Variants in SYNE1 observed in about 807,000 individuals in gnomAD.
The protein encoded by SYNE1 is nesprin-1.
In SYNE1, 616 loss-of-function variants were observed where a neutral mutation model predicts 1,111.0. The observed-to-expected ratio is 0.55, with a 90% CI of 0.52 to 0.59. SYNE1 has a LOEUF of 0.59. SYNE1 is among the 20% of genes least tolerant of loss of function. The pLI, the probability that SYNE1 is intolerant of heterozygous loss-of-function variation, is 0.00. For synonymous variants in SYNE1, 3,855 were observed against 3,825.8 expected, an observed-to-expected ratio of 1.01 and a Z score of -0.28; for missense variants, 10,006 against 10,417.0, an observed-to-expected ratio of 0.96 and a Z score of 1.72.
intron 3 of SYNE1, among the ~76,000 whole-genome samples, chr6:152,551,596 G>A (rs2099347158): frequency 6.6e-6 from 1 of 152,052 alleles, no homozygotes; most frequent in Admixed American, 6.6e-5. Context: ...GCAAAGAAAA[G>A]TTCAGAACAG....
chr6:152,343,470 CT>C (rs561650440), intron 74 of SYNE1, among the ~76,000 whole-genome samples: 204 of 133,126 alleles, frequency 1.5e-3, no homozygotes, highest in African/African-American at 3.4e-3. Context: ...CATTCTCTTT[CT>C]TTTTTTTTTT....
At chr6:152,632,061 G>A (rs1436254463) in intron 2 of SYNE1, among the ~76,000 whole-genome samples, 3 of 151,980 alleles carry the variant, frequency 2.0e-5, no homozygotes, top group African/African-American at 7.3e-5. Flanking sequence ...TAACATCAAC[G>A]ATCCATACTA....
intron 56 of SYNE1, chr6:152,380,688 T>C (rs554686586): frequency 8.4e-5 from 31 of 367,504 alleles, no homozygotes; most frequent in Non-Finnish European, 1.4e-4. Context: ...TTTATGCCCC[T>C]GCCCACAGGC....
chr6:152,197,138 C>A (rs2763021), intron 127 of SYNE1, among the ~76,000 whole-genome samples: 23,968 of 152,076 alleles, frequency 0.16, 2,207 homozygotes, highest in African/African-American at 0.23. Flanking sequence ...GCTGGGGCAC[C>A]GAAAAGAAGA....
intron 33 of SYNE1, 47 bp downstream of exon 33, chr6:152,435,894 G>A: frequency 6.2e-7 from 1 of 1,603,152 alleles, no homozygotes; most frequent in Non-Finnish European, 8.5e-7. Context: ...AAGATTGTAT[G>A]AAACTTTATC....
At chr6:152,464,777 C>G (rs2098754467) in intron 18 of SYNE1, 1 of 213,948 alleles carries the variant, frequency 4.7e-6, no homozygotes, top group South Asian at 7.9e-5. Flanking sequence ...TATAACTGGC[C>G]AAAAAATAAA....
At chr6:152,226,788 G>A (rs1160747813) in intron 115 of SYNE1, among the ~76,000 whole-genome samples, 3 of 152,128 alleles carry the variant, frequency 2.0e-5, no homozygotes, top group Non-Finnish European at 4.4e-5. Context: ...GGAGCCTATG[G>A]ACTCCCAGCC....
At chr6:152,214,161 C>G (rs1306064201) in intron 122 of SYNE1, among the ~76,000 whole-genome samples, 2 of 148,224 alleles carry the variant, frequency 1.3e-5, no homozygotes, top group East Asian at 3.9e-4. Flanking sequence ...CCTTTGCACT[C>G]CAGCCTGGGT....
At position 152,286,362 on chromosome 6, in the gene SYNE1, G is replaced by A. The variant is rs1365178422; in HGVS notation, c.18013-2190C>T. Among the ~76,000 whole-genome samples, 3 of 152,086 alleles carry A rather than the reference G, an allele frequency of 2.0e-5. No homozygotes were observed. In the East Asian group the frequency reaches 5.8e-4, roughly 29 times the overall value. On this transcript the variant is annotated intron_variant, in intron 95 of 145. Coordinates refer to ENST00000367255, the MANE Select transcript of SYNE1 (RefSeq NM_182961.4). ...TCAGGGGACTTTGGCCCTTATTTGA[G>A]CTTTATAGAAATGGAGTCATACACG...
intron 81 of SYNE1, 141 bp from the exon 82 acceptor site, chr6:152,323,878 C>G: frequency 1.1e-6 from 1 of 922,232 alleles, no homozygotes; most frequent in South Asian, 1.5e-5. Flanking sequence ...AAACTGGAAC[C>G]TGAGCAACCT....
intron 4 of SYNE1, among the ~76,000 whole-genome samples, chr6:152,528,258 G>A (rs949364361): frequency 2.3e-4 from 35 of 152,102 alleles, no homozygotes; most frequent in Admixed American, 1.7e-3. Context: ...TGTCAAACAT[G>A]TGGCAGGCAC....
At position 152,316,977 on chromosome 6, in the gene SYNE1, G is replaced by A; in HGVS notation, c.16582C>T (p.His5528Tyr). The part of the protein sequence containing the change: ...RLSKLNQAAS[H>Y]LEEYNEMLEL... ...AGCATTTCATTGTATTCTTCTAAAT[G>A]TGATGCTGCCTGAAAAACCAGTAAC... The change falls in exon 87 of 146, where the codon CAT becomes TAT. Residue 5528 changes from histidine to tyrosine, a missense_variant. Transcript: ENST00000367255. The A allele has an allele frequency of 6.2e-7, 1 of 1,613,892 alleles. No homozygotes were observed. Among genetic ancestry groups the A allele is most frequent in the Non-Finnish European group, 8.5e-7 (1 of 1,180,008 alleles).
intron 133 of SYNE1, among the ~76,000 whole-genome samples, chr6:152,154,445 T>TAC (rs56398921): frequency 0.19 from 27,591 of 143,046 alleles, 2,546 homozygotes; most frequent in African/African-American, 0.22. Context: ...TTTTATCAAA[T>TAC]ACACACACAC....
intron 3 of SYNE1, among the ~76,000 whole-genome samples, chr6:152,576,603 CA>C (rs1328556562): frequency 6.6e-6 from 1 of 152,138 alleles, no homozygotes; most frequent in Non-Finnish European, 1.5e-5. Context: ...CCAAGTGACA[CA>C]GGGGCACACA....
chr6:152,424,950 C>T (rs2098329400), intron 39 of SYNE1, among the ~76,000 whole-genome samples: 2 of 152,130 alleles, frequency 1.3e-5, no homozygotes, highest in African/African-American at 2.4e-5. Context: ...TTTTTGCCTC[C>T]ATTTATCAAT....
At chr6:152,622,405 C>T (rs1201923322) in intron 3 of SYNE1, among the ~76,000 whole-genome samples, 1 of 151,912 alleles carries the variant, frequency 6.6e-6, no homozygotes, top group East Asian at 1.9e-4. Context: ...TTTTTCTGAT[C>T]CTCTCCCTCC....
chr6:152,232,642 T>A (rs1035152118), intron 112 of SYNE1, among the ~76,000 whole-genome samples: 1 of 152,206 alleles, frequency 6.6e-6, no homozygotes, highest in Admixed American at 6.5e-5. Flanking sequence ...CTGCATATTA[T>A]GACTCAGGAA....
intron 3 of SYNE1, among the ~76,000 whole-genome samples, chr6:152,573,332 T>G (rs1479070942): frequency 1.3e-4 from 6 of 45,226 alleles, no homozygotes; most frequent in Non-Finnish European, 2.2e-4. Flanking sequence ...TCCCCCCCCC[T>G]CCCCCCACCC....
chr6:152,514,591 G>A (rs930154247), intron 6 of SYNE1, among the ~76,000 whole-genome samples: 5 of 150,618 alleles, frequency 3.3e-5, no homozygotes, highest in Admixed American at 1.3e-4. Flanking sequence ...AAACCTGCAC[G>A]TTCTGCACAT....
Sources: allele counts gnomAD v4.1 joint callset (sites outside exome capture counted in the v4.1 genomes callset), GRCh38; gene constraint gnomAD v4.1.1; transcripts MANE v1.5; gene names NCBI Gene and HGNC (gene_info 2026-07-23, HGNC 2026-07-21).